The following KIAA0825 variants were observed in gnomAD, a reference collection of about 807,000 sequenced individuals.
KIAA0825 encodes the protein uncharacterized protein KIAA0825.
Under a neutral mutation model 147.6 loss-of-function variants are expected in KIAA0825, and 119 were observed. The observed-to-expected ratio is 0.81, with a 90% confidence interval of 0.69 to 0.94. KIAA0825 has a LOEUF of 0.94. KIAA0825 is among the 40% of genes least tolerant of loss of function. The probability of loss-of-function intolerance (pLI) is 0.00; values close to 1 mark genes in which losing one functional copy is unlikely to be tolerated. For missense variants in KIAA0825, 1,381 were observed against 1,472.7 expected (o/e 0.94, Z 1.02); for synonymous variants, 470 against 518.1 (o/e 0.91, Z 1.26).
intron 20 of KIAA0825, among the ~76,000 whole-genome samples, chr5:94,367,379 T>A (rs1746015356): frequency 6.6e-6 from 1 of 152,062 alleles, no homozygotes; most frequent in Non-Finnish European, 1.5e-5. Flanking sequence ...GCGCCTGTAA[T>A]CCCAGCTACT....
intron 20 of KIAA0825, among the ~76,000 whole-genome samples, chr5:94,370,767 G>A (rs1393647540): frequency 2.6e-5 from 4 of 151,994 alleles, no homozygotes; most frequent in East Asian, 1.9e-4. Context: ...AAAGTAGCTG[G>A]GCGTGGTGGT....
chr5:94,291,590 A>G (rs1777895111), intron 20 of KIAA0825, among the ~76,000 whole-genome samples: 1 of 152,196 alleles, frequency 6.6e-6, no homozygotes, highest in African/African-American at 2.4e-5. Flanking sequence ...TGTCTTGGCT[A>G]TACGGGCTCT....
intron 14 of KIAA0825, among the ~76,000 whole-genome samples, chr5:94,436,248 A>G (rs1442190533): frequency 6.6e-6 from 1 of 151,912 alleles, no homozygotes; most frequent in African/African-American, 2.4e-5. Flanking sequence ...TAGGGTTTTT[A>G]TGGTTTTGGG....
chr5:94,205,299 A>ATATATATATATATATTTT (rs1254935243), intron 20 of KIAA0825, among the ~76,000 whole-genome samples: 4 of 137,912 alleles, frequency 2.9e-5, no homozygotes, highest in African/African-American at 1.1e-4. Context: ...ATATATATAT[A>ATATATATATATATATTTT]TTTTGTTTTG....
intron 1 of KIAA0825, chr5:94,593,740 T>C (rs544184165): frequency 4.6e-5 from 17 of 371,630 alleles, no homozygotes; most frequent in Admixed American, 2.6e-4. Context: ...ATTAGAGTTG[T>C]TGAAGATAAC....
At chr5:94,289,068 T>G (rs1777774384) in intron 20 of KIAA0825, among the ~76,000 whole-genome samples, 1 of 152,186 alleles carries the variant, frequency 6.6e-6, no homozygotes, top group Non-Finnish European at 1.5e-5. Context: ...CCCTCTGTCT[T>G]TTGCAGTACC....
At chr5:94,451,288 C>T (rs1438281898) in intron 13 of KIAA0825, among the ~76,000 whole-genome samples, 3 of 152,140 alleles carry the variant, frequency 2.0e-5, no homozygotes, top group Non-Finnish European at 4.4e-5. Flanking sequence ...TTTAATGCTA[C>T]AATGTAGAAC....
intron 3 of KIAA0825, among the ~76,000 whole-genome samples, chr5:94,527,187 C>A (rs537693230): frequency 6.6e-6 from 1 of 152,102 alleles, no homozygotes; most frequent in South Asian, 2.1e-4. Context: ...TGTATATATG[C>A]ACCAGCTTAC....
At chr5:94,470,574 G>A (rs1263444899) in intron 9 of KIAA0825, among the ~76,000 whole-genome samples, 1 of 152,088 alleles carries the variant, frequency 6.6e-6, no homozygotes, top group Non-Finnish European at 1.5e-5. Flanking sequence ...CTCATAAACT[G>A]TTTTTTAAAA....
chr5:94,558,829 C>T (rs1177436918), intron 2 of KIAA0825, among the ~76,000 whole-genome samples: 1 of 152,220 alleles, frequency 6.6e-6, no homozygotes, highest in Non-Finnish European at 1.5e-5. Flanking sequence ...TCCACAAGTG[C>T]ATTCCCTATA....
At chr5:94,207,479 T>C (rs569519971) in intron 20 of KIAA0825, among the ~76,000 whole-genome samples, 2 of 152,234 alleles carry the variant, frequency 1.3e-5, no homozygotes, top group East Asian at 3.9e-4. Flanking sequence ...TCATCAAGAG[T>C]GTTTGTAATT....
intron 2 of KIAA0825, among the ~76,000 whole-genome samples, chr5:94,562,484 T>G (rs1420818826): frequency 6.6e-6 from 1 of 152,250 alleles, no homozygotes; most frequent in African/African-American, 2.4e-5. Flanking sequence ...TTCTCACACT[T>G]GCTTCCCTTC....
intron 1 of KIAA0825, among the ~76,000 whole-genome samples, chr5:94,598,754 A>T (rs1051379537): frequency 3.9e-5 from 6 of 152,134 alleles, no homozygotes; most frequent in African/African-American, 1.4e-4. Flanking sequence ...GGGCAAAAGG[A>T]ATTTTTCAGA....
In KIAA0825 at chr5:94,468,147, C is replaced by T. The variant is rs112140391; in HGVS notation, c.1872+1814G>A. Reference sequence around the variant, plus strand: ...GCCTTGTCATAAGATCTAAGAGCTGCATGTTACATGGTAATTTGTTGGTTT... The same window carrying T: ...GCCTTGTCATAAGATCTAAGAGCTGTATGTTACATGGTAATTTGTTGGTTT... On this transcript the variant is annotated intron_variant, in intron 10 of 20. Coordinates refer to ENST00000682413, the MANE Select transcript of KIAA0825 (RefSeq NM_001145678.3). Among the ~76,000 whole-genome samples the T allele has an allele frequency of 5.7e-4, 87 of 152,294 alleles. 1 individual carries two copies. The highest frequency in any genetic ancestry group is 1.9e-3 in the African/African-American group (79 of 41,564).
At chr5:94,425,831 C>T (rs1172744700) in intron 14 of KIAA0825, among the ~76,000 whole-genome samples, 1 of 151,892 alleles carries the variant, frequency 6.6e-6, no homozygotes, top group Non-Finnish European at 1.5e-5. Flanking sequence ...GATGATAGCT[C>T]ATGGCATGTT....
In KIAA0825 at chr5:94,520,338, A is replaced by C. The variant is rs748722114; in HGVS notation, c.880T>G (p.Phe294Val). Residue 294 changes from phenylalanine to valine, a missense_variant, in exon 5 of 21, where the codon TTT becomes GTT. Physicochemically the swap from Phe to Val is conservative, Grantham distance 50. Transcript: ENST00000682413. ...TEEMAKFLEN[F>V]CELQFRENAV... is the part of the protein sequence containing the mutation. ...TTTTCTCTGAACTGCAGCTCACAAA[A>C]ATTTTCAAGAAATTTTGCCATTTCT... 6 of 1,613,360 alleles carry C rather than the reference A, an allele frequency of 3.7e-6. No homozygotes were observed. The South Asian group carries it at 4.4e-5, about 12-fold the overall frequency.
At chr5:94,465,843 G>T (rs1423648899) in intron 10 of KIAA0825, among the ~76,000 whole-genome samples, 1 of 152,184 alleles carries the variant, frequency 6.6e-6, no homozygotes, top group African/African-American at 2.4e-5. Context: ...AGGCCAAGGG[G>T]AACAGGCAGA....
intron 14 of KIAA0825, among the ~76,000 whole-genome samples, chr5:94,423,460 CA>C (rs1754455125): frequency 6.6e-6 from 1 of 152,118 alleles, no homozygotes; most frequent in Admixed American, 6.5e-5. Context: ...AGGGTGGTTT[CA>C]GGCAAGAAAC....
At chr5:94,210,494 T>C (rs17083474) in intron 20 of KIAA0825, among the ~76,000 whole-genome samples, 3,132 of 152,310 alleles carry the variant, frequency 0.021, 95 homozygotes, top group African/African-American at 0.071. Context: ...GTCATTCTTA[T>C]GTCTGGCACT....
Sources: gnomAD v4.1 joint callset for allele counts (sites outside exome capture counted in the v4.1 genomes callset) on GRCh38, gnomAD v4.1.1 for gene constraint, MANE v1.5 for transcripts, NCBI Gene and HGNC (gene_info 2026-07-23, HGNC 2026-07-21) for gene names.